PDE8A: variants seen among roughly 807,000 people sequenced by gnomAD.
The protein encoded by PDE8A is phosphodiesterase 8A.
A neutral mutation model predicts 105.0 loss-of-function variants in PDE8A; 59 were observed. The observed-to-expected ratio is 0.56, with a 90% CI of 0.46 to 0.70. The LOEUF is 0.70. Among genes scored for constraint, PDE8A ranks in the 30% least tolerant of loss-of-function variants. The pLI is 0.00. For missense variants in PDE8A, 1,014 were observed against 1,045.9 expected, an observed-to-expected ratio of 0.97 and a Z score of 0.42; for synonymous variants, 355 against 371.9, an observed-to-expected ratio of 0.95 and a Z score of 0.52.
intron 19 of PDE8A, 23 bp from the exon 20 acceptor site, chr15:85,126,183 CT>C: frequency 6.3e-7 from 1 of 1,584,532 alleles, no homozygotes; most frequent in Non-Finnish European, 8.6e-7. Context: ...ATTTTGATTG[CT>C]TTGAATTCCA....
At chr15:85,135,000 G>C (rs570274834) in intron 20 of PDE8A, among the ~76,000 whole-genome samples, 8 of 152,186 alleles carry the variant, frequency 5.3e-5, no homozygotes, top group African/African-American at 9.7e-5. Context: ...AGCTGCGGTG[G>C]GGGGAGAGAG....
intron 1 of PDE8A, among the ~76,000 whole-genome samples, chr15:85,008,222 A>G (rs760429449): frequency 2.0e-5 from 3 of 152,048 alleles, no homozygotes; most frequent in Non-Finnish European, 2.9e-5. Flanking sequence ...GACTTTCCCT[A>G]CAGTGTCTGT....
chr15:85,053,911 T>C (rs1052964526), intron 1 of PDE8A, among the ~76,000 whole-genome samples: 8 of 152,256 alleles, frequency 5.3e-5, no homozygotes, highest in Non-Finnish European at 1.0e-4. Flanking sequence ...TCAAAGGGAA[T>C]GCTTCCAGTT....
intron 1 of PDE8A, among the ~76,000 whole-genome samples, chr15:85,030,961 A>G (rs894413830): frequency 6.6e-6 from 1 of 152,218 alleles, no homozygotes; most frequent in Admixed American, 6.5e-5. Flanking sequence ...TAGCTTCTGG[A>G]AGATGGGATT....
At chr15:85,096,582 T>C (rs2081757511) in intron 8 of PDE8A, among the ~76,000 whole-genome samples, 2 of 152,238 alleles carry the variant, frequency 1.3e-5, no homozygotes, top group Non-Finnish European at 2.9e-5. Context: ...ACCTGTCTGC[T>C]GAAGCCTTCC....
At chr15:85,088,700 A>G (rs939035317) in intron 6 of PDE8A, among the ~76,000 whole-genome samples, 1 of 152,136 alleles carries the variant, frequency 6.6e-6, no homozygotes, top group East Asian at 1.9e-4. Flanking sequence ...CTTTTTTATT[A>G]TTCAAGTGGG....
chr15:85,017,624 C>T (rs556414871), intron 1 of PDE8A, among the ~76,000 whole-genome samples: 2 of 152,116 alleles, frequency 1.3e-5, no homozygotes, highest in African/African-American at 2.4e-5. Flanking sequence ...CGGTGGCTCA[C>T]GCCTGTAATC....
At chr15:85,008,575 G>C (rs2080187183) in intron 1 of PDE8A, among the ~76,000 whole-genome samples, 1 of 152,018 alleles carries the variant, frequency 6.6e-6, no homozygotes, top group South Asian at 2.1e-4. Context: ...CTGCTACCAG[G>C]TATAGGTCTT....
chr15:85,135,758 C>G (rs965876045), intron 20 of PDE8A, among the ~76,000 whole-genome samples: 1 of 152,156 alleles, frequency 6.6e-6, no homozygotes, highest in African/African-American at 2.4e-5. Context: ...GGACGCTTGC[C>G]TTTTTCCTCA....
At chr15:85,046,783 CT>C (rs1213063664) in intron 1 of PDE8A, among the ~76,000 whole-genome samples, 7 of 152,256 alleles carry the variant, frequency 4.6e-5, no homozygotes, top group Non-Finnish European at 7.4e-5. Flanking sequence ...TCACCCACCC[CT>C]AATCAAGATT....
chr15:84,989,506 T>A (rs1410685340), intron 1 of PDE8A, among the ~76,000 whole-genome samples: 2 of 152,216 alleles, frequency 1.3e-5, no homozygotes, highest in African/African-American at 4.8e-5. Context: ...GGTTTGGTGT[T>A]GATGGCAGCT....
chr15:85,019,882 A>AG (rs1235292884), intron 1 of PDE8A, among the ~76,000 whole-genome samples: 1 of 146,986 alleles, frequency 6.8e-6, no homozygotes, highest in Non-Finnish European at 1.5e-5. Flanking sequence ...ATGCGTGGCC[A>AG]GTGTGTATGT....
intron 1 of PDE8A, among the ~76,000 whole-genome samples, chr15:85,029,945 T>G (rs12908400): frequency 0.3 from 45,096 of 152,024 alleles, 7,054 homozygotes; most frequent in Middle Eastern, 0.38. Context: ...CCAGCGGGCT[T>G]CCCCTCAGGT....
At chr15:85,081,056 A>T (rs1346819811) in intron 5 of PDE8A, among the ~76,000 whole-genome samples, 1 of 152,218 alleles carries the variant, frequency 6.6e-6, no homozygotes, top group Non-Finnish European at 1.5e-5. Flanking sequence ...TTTGTGTGAC[A>T]AAAGGATGCT....
At chr15:85,061,867 C>T (rs1279887438) in intron 1 of PDE8A, among the ~76,000 whole-genome samples, 1 of 152,026 alleles carries the variant, frequency 6.6e-6, no homozygotes, top group African/African-American at 2.4e-5. Flanking sequence ...TTTTGCCTGC[C>T]CAAATTTGCC....
intron 20 of PDE8A, among the ~76,000 whole-genome samples, chr15:85,133,004 A>G (rs1368331966): frequency 6.6e-6 from 1 of 152,118 alleles, no homozygotes; most frequent in Non-Finnish European, 1.5e-5. Context: ...TTTGTTGAAA[A>G]TTAGGCATTT....
intron 7 of PDE8A, chr15:85,090,835 C>A (rs1170352158): frequency 3.2e-6 from 2 of 624,722 alleles, no homozygotes; most frequent in African/African-American, 3.6e-5. Flanking sequence ...GAAAGCCCAG[C>A]CGGGTATCAC....
At chr15:85,020,587 C>T (rs537003184) in intron 1 of PDE8A, among the ~76,000 whole-genome samples, 14 of 152,284 alleles carry the variant, frequency 9.2e-5, no homozygotes, top group Non-Finnish European at 1.8e-4. Context: ...CTGAGCGAGA[C>T]TGTGTCTCAA....
At chr15:84,985,768 C>T (rs1355980278) in intron 1 of PDE8A, among the ~76,000 whole-genome samples, 3 of 152,146 alleles carry the variant, frequency 2.0e-5, no homozygotes, top group Admixed American at 6.5e-5. Flanking sequence ...TGAAAATCCA[C>T]CCAGGCCAGG....
Sources: allele counts gnomAD v4.1 joint callset (sites outside exome capture counted in the v4.1 genomes callset), GRCh38; gene constraint gnomAD v4.1.1; transcripts MANE v1.5; gene names NCBI Gene and HGNC (gene_info 2026-07-23, HGNC 2026-07-21).